HS3ST4: variants seen among roughly 807,000 people sequenced by gnomAD.
HS3ST4 encodes heparan sulfate-glucosamine 3-sulfotransferase 4, also known as heparan sulfate glucosamine 3-O-sulfotransferase 4.
Under a neutral mutation model 29.2 loss-of-function variants are expected in HS3ST4, and 17 were observed. That is an observed-to-expected ratio of 0.58 (90% CI 0.40 to 0.87). HS3ST4 has a LOEUF of 0.87. Among genes scored for constraint, HS3ST4 ranks in the 40% least tolerant of loss-of-function variants. The pLI, the probability that HS3ST4 is intolerant of heterozygous loss-of-function variation, is 0.00. For synonymous variants in HS3ST4, 314 were observed against 285.7 expected, an observed-to-expected ratio of 1.10 and a Z score of -1.00; for missense variants, 627 against 634.5, an observed-to-expected ratio of 0.99 and a Z score of 0.13.
chr16:25,995,485 C>A (rs1002241485), intron 1 of HS3ST4, among the ~76,000 whole-genome samples: 1 of 152,162 alleles, frequency 6.6e-6, no homozygotes, highest in Non-Finnish European at 1.5e-5. Context: ...AGTGGAAAAA[C>A]ATTGGTTTCC....
chr16:25,911,548 C>T (rs541067241), intron 1 of HS3ST4, among the ~76,000 whole-genome samples: 28 of 140,598 alleles, frequency 2.0e-4, no homozygotes, highest in African/African-American at 7.1e-4. Flanking sequence ...ACTCTGTCGC[C>T]CAGGCTGGAG....
chr16:25,792,001 G>A (rs1205669523), intron 1 of HS3ST4, among the ~76,000 whole-genome samples: 2 of 151,908 alleles, frequency 1.3e-5, no homozygotes, highest in South Asian at 2.1e-4. Flanking sequence ...TAGGGTTTTA[G>A]TTGCTTTTTT....
At chr16:25,716,643 G>A (rs1439879123) in intron 1 of HS3ST4, among the ~76,000 whole-genome samples, 1 of 152,226 alleles carries the variant, frequency 6.6e-6, no homozygotes, top group Non-Finnish European at 1.5e-5. Context: ...AAACTTAATT[G>A]TAATGGATAC....
At chr16:25,802,351 ATC>A (rs1596575297) in intron 1 of HS3ST4, among the ~76,000 whole-genome samples, 1 of 152,148 alleles carries the variant, frequency 6.6e-6, no homozygotes, top group African/African-American at 2.4e-5. Flanking sequence ...TTTCCTACAT[ATC>A]TGAAATATCC....
At chr16:26,102,662 T>G (rs1899003481) in intron 1 of HS3ST4, among the ~76,000 whole-genome samples, 1 of 152,214 alleles carries the variant, frequency 6.6e-6, no homozygotes, top group Non-Finnish European at 1.5e-5. Flanking sequence ...ACCTCTCTTG[T>G]ATAATGTTAC....
chr16:25,756,934 T>C (rs1455175812), intron 1 of HS3ST4, among the ~76,000 whole-genome samples: 3 of 152,230 alleles, frequency 2.0e-5, no homozygotes, highest in South Asian at 4.1e-4. Context: ...CTCCCTTCAA[T>C]TTGTGCTATA....
chr16:25,787,590 A>G (rs1966859529), intron 1 of HS3ST4, among the ~76,000 whole-genome samples: 1 of 152,220 alleles, frequency 6.6e-6, no homozygotes, highest in Non-Finnish European at 1.5e-5. Flanking sequence ...GGTAGGATGC[A>G]GATGGTCTGG....
intron 1 of HS3ST4, among the ~76,000 whole-genome samples, chr16:25,707,134 A>C (rs960041871): frequency 2.6e-5 from 4 of 152,082 alleles, no homozygotes; most frequent in African/African-American, 4.8e-5. Context: ...CTCAGTGCTT[A>C]TGTGTGAGTA....
At chr16:25,968,010 G>A (rs1456232747) in intron 1 of HS3ST4, among the ~76,000 whole-genome samples, 4 of 152,222 alleles carry the variant, frequency 2.6e-5, no homozygotes, top group Non-Finnish European at 5.9e-5. Context: ...CAAAATATGT[G>A]AAGGGTTGTC....
At chr16:25,971,242 C>T (rs1335150437) in intron 1 of HS3ST4, among the ~76,000 whole-genome samples, 2 of 150,222 alleles carry the variant, frequency 1.3e-5, no homozygotes, top group African/African-American at 4.8e-5. Flanking sequence ...GAGGACTTTA[C>T]ATTCTTTTGA....
chr16:26,113,692 A>G (rs111944764), intron 1 of HS3ST4, among the ~76,000 whole-genome samples: 1 of 152,110 alleles, frequency 6.6e-6, no homozygotes, highest in African/African-American at 2.4e-5. Context: ...TTAATTGTCA[A>G]TGTGCTATTC....
intron 1 of HS3ST4, among the ~76,000 whole-genome samples, chr16:26,060,579 T>G (rs1266602026): frequency 6.6e-6 from 1 of 152,196 alleles, no homozygotes; most frequent in Non-Finnish European, 1.5e-5. Flanking sequence ...GCACTGACAC[T>G]TAGCTGTGAC....
intron 1 of HS3ST4, among the ~76,000 whole-genome samples, chr16:25,868,117 C>T (rs1234502256): frequency 1.3e-5 from 2 of 152,012 alleles, no homozygotes; most frequent in Non-Finnish European, 2.9e-5. Flanking sequence ...CTGAATCTGC[C>T]CGCCTTGCTT....
chr16:26,008,299 G>T (rs918685398), intron 1 of HS3ST4, among the ~76,000 whole-genome samples: 14 of 152,116 alleles, frequency 9.2e-5, no homozygotes, highest in East Asian at 7.7e-4. Context: ...TTATTGGGGG[G>T]TGTAAAACAG....
chr16:25,756,146 ACACACACG>A (rs1417198275), intron 1 of HS3ST4, among the ~76,000 whole-genome samples: 18 of 86,560 alleles, frequency 2.1e-4, no homozygotes, highest in Non-Finnish European at 3.5e-4. Flanking sequence ...ACACACACAC[ACACACACG>A]CACACACACA....
intron 1 of HS3ST4, among the ~76,000 whole-genome samples, chr16:25,933,674 T>G (rs1235089659): frequency 6.6e-6 from 1 of 152,136 alleles, no homozygotes; most frequent in Non-Finnish European, 1.5e-5. Flanking sequence ...TTGGCTCATG[T>G]TTTTTCAGGC....
intron 1 of HS3ST4, among the ~76,000 whole-genome samples, chr16:25,915,468 A>G (rs944102477): frequency 1.3e-5 from 2 of 152,192 alleles, no homozygotes; most frequent in African/African-American, 4.8e-5. Flanking sequence ...ATGAAATGAA[A>G]ATTCCAAGAG....
chr16:25,892,412 T>C (rs1253699842), intron 1 of HS3ST4, among the ~76,000 whole-genome samples: 1 of 152,196 alleles, frequency 6.6e-6, no homozygotes, highest in Non-Finnish European at 1.5e-5. Context: ...TTGAGCCTCA[T>C]CTTACTTGCC....
intron 1 of HS3ST4, among the ~76,000 whole-genome samples, chr16:25,922,088 A>C (rs1968360046): frequency 6.6e-6 from 1 of 152,138 alleles, no homozygotes. Context: ...TGGCTAGAAC[A>C]AGCTAATGGC....
Sources: gnomAD v4.1 joint callset for allele counts (sites outside exome capture counted in the v4.1 genomes callset) on GRCh38, gnomAD v4.1.1 for gene constraint, MANE v1.5 for transcripts, NCBI Gene and HGNC (gene_info 2026-07-23, HGNC 2026-07-21) for gene names.